The following NSD1 variants were observed in gnomAD, a reference collection of about 807,000 sequenced individuals.
The protein encoded by NSD1 is nuclear receptor binding SET domain protein 1.
A neutral mutation model predicts 242.7 loss-of-function variants in NSD1; 26 were observed. The ratio of observed to expected loss-of-function variants is 0.11; its 90% CI spans 0.08 to 0.15. NSD1 has a LOEUF of 0.15. Ranked by LOEUF, NSD1 falls within the 10% of genes least tolerant of loss-of-function variation. The pLI is 1.00. For synonymous variants in NSD1, 1,106 were observed against 1,178.1 expected (o/e 0.94, Z 1.25); for missense variants, 2,495 against 3,272.8 (o/e 0.76, Z 5.80).
At chr5:177,204,737 A>G (rs1762753554) in intron 4 of NSD1, among the ~76,000 whole-genome samples, 1 of 152,140 alleles carries the variant, frequency 6.6e-6, no homozygotes, top group Admixed American at 6.5e-5. Flanking sequence ...TTGGTAGTAG[A>G]ATATCTGTGA....
At chr5:177,158,349 C>CTTTCTTTT (rs1758377937) in intron 2 of NSD1, among the ~76,000 whole-genome samples, 1 of 124,896 alleles carries the variant, frequency 8.0e-6, no homozygotes, top group African/African-American at 3.0e-5. Flanking sequence ...TTCTTTCTTT[C>CTTTCTTTT]TTTTTTTAGA....
chr5:177,270,115 G>A (rs925274859), intron 16 of NSD1, among the ~76,000 whole-genome samples: 3 of 152,098 alleles, frequency 2.0e-5, no homozygotes, highest in African/African-American at 7.2e-5. Context: ...TTGCTAGACA[G>A]AGGCTCAGAT....
intron 2 of NSD1, among the ~76,000 whole-genome samples, chr5:177,157,450 C>T (rs1309583556): frequency 6.6e-6 from 1 of 151,882 alleles, no homozygotes; most frequent in Non-Finnish European, 1.5e-5. Context: ...GTAATCCCAG[C>T]ACTTTGGGAG....
chr5:177,261,215 G>C, intron 14 of NSD1, among the ~76,000 whole-genome samples: 1 of 147,884 alleles, frequency 6.8e-6, no homozygotes, highest in South Asian at 2.1e-4. Flanking sequence ...GATTACAGGC[G>C]TTCAACATCA....
intron 3 of NSD1, among the ~76,000 whole-genome samples, chr5:177,203,592 A>G (rs1419163102): frequency 6.6e-6 from 1 of 152,220 alleles, no homozygotes; most frequent in Non-Finnish European, 1.5e-5. Context: ...GGAGGAATCC[A>G]TGCAAAGCAC....
intron 2 of NSD1, among the ~76,000 whole-genome samples, chr5:177,178,700 G>A (rs1760412482): frequency 6.6e-6 from 1 of 152,104 alleles, no homozygotes; most frequent in Non-Finnish European, 1.5e-5. Context: ...GACCTCCTCG[G>A]CTTAAGTGAT....
At chr5:177,245,060 A>T (rs918605513) in intron 9 of NSD1, among the ~76,000 whole-genome samples, 1 of 152,090 alleles carries the variant, frequency 6.6e-6, no homozygotes, top group African/African-American at 2.4e-5. Flanking sequence ...TCTACAGTTT[A>T]AAAAAATGAG....
At chr5:177,154,718 C>T (rs896163584) in intron 2 of NSD1, among the ~76,000 whole-genome samples, 1 of 152,030 alleles carries the variant, frequency 6.6e-6, no homozygotes, top group African/African-American at 2.4e-5. Context: ...ATTTTTGAGA[C>T]AGAGTCTCCC....
rs1756828198 is a variant in NSD1 at position 177,259,654 on chromosome 5, CAG to C, written c.4967-332_4967-331del. 2.0e-5 allele frequency among the ~76,000 whole-genome samples: 3 copies of C among 152,316 alleles called. No homozygotes were observed. In the South Asian group the frequency reaches 6.2e-4, roughly 32 times the overall value. Reference sequence around the variant, plus strand: ...CACTTGAAAGGCTTTAAAAGAATCACAGAGTTCCAGGCAAGCATTATTGTTGT... The same window carrying C: ...CACTTGAAAGGCTTTAAAAGAATCACAGTTCCAGGCAAGCATTATTGTTGT... On this transcript the variant is annotated intron_variant, in intron 13 of 22. Coordinates refer to ENST00000439151, the MANE Select transcript of NSD1 (RefSeq NM_022455.5).
rs1418375807 is a variant in NSD1 at position 177,300,127 on chromosome 5, G to C, written c.*4668G>C. ...TCCTAGTGAAAAAGAGGGGAGCCCTGTGTTAGGAGTCCCCATAAACATGTA... is the reference window on the plus strand; with the variant it reads ...TCCTAGTGAAAAAGAGGGGAGCCCTCTGTTAGGAGTCCCCATAAACATGTA... On this transcript the variant is annotated 3_prime_UTR_variant, in exon 23 of 23. Coordinates refer to ENST00000439151, the MANE Select transcript of NSD1 (RefSeq NM_022455.5). 9.1e-6 allele frequency: 2 copies of C among 219,738 alleles called. No homozygotes were observed. Among genetic ancestry groups the C allele is most frequent in the African/African-American group, 4.7e-5 (2 of 42,566 alleles). 13.6% of individuals were successfully genotyped at this position (219,738 alleles called of 1,614,324 possible).
intron 2 of NSD1, among the ~76,000 whole-genome samples, chr5:177,182,540 C>T (rs1462484312): frequency 2.6e-5 from 4 of 152,066 alleles, no homozygotes; most frequent in Non-Finnish European, 5.9e-5. Context: ...GATTGTTTTG[C>T]CTAGAACTAC....
intron 5 of NSD1, among the ~76,000 whole-genome samples, chr5:177,213,860 G>A (rs1014078487): frequency 3.3e-5 from 5 of 152,242 alleles, no homozygotes; most frequent in Admixed American, 2.6e-4. Context: ...TTTTGGGTCT[G>A]GTTTCCCTTA....
chr5:177,207,905 AGT>A (rs145605083), intron 4 of NSD1, among the ~76,000 whole-genome samples: 150 of 149,242 alleles, frequency 1.0e-3, no homozygotes, highest in African/African-American at 3.2e-3. Context: ...ATGTCCAGCT[AGT>A]GTGTGTGTGT....
chr5:177,166,147 T>C (rs1408297905), intron 2 of NSD1, among the ~76,000 whole-genome samples: 1 of 151,406 alleles, frequency 6.6e-6, no homozygotes, highest in African/African-American at 2.4e-5. Flanking sequence ...ACTCCTGACC[T>C]CATGATATGC....
chr5:177,237,909 C>T (rs1765580782), intron 6 of NSD1, among the ~76,000 whole-genome samples: 1 of 152,140 alleles, frequency 6.6e-6, no homozygotes, highest in African/African-American at 2.4e-5. Flanking sequence ...CTCCACCATC[C>T]ATCTCGATAA....
intron 4 of NSD1, among the ~76,000 whole-genome samples, chr5:177,206,924 C>T (rs750680719): frequency 6.6e-6 from 1 of 151,236 alleles, no homozygotes; most frequent in Non-Finnish European, 1.5e-5. Flanking sequence ...GGCTACTCCT[C>T]TAGTTACCCT....
chr5:177,257,792 G>A (rs1416945393), intron 13 of NSD1, among the ~76,000 whole-genome samples: 2 of 151,376 alleles, frequency 1.3e-5, no homozygotes, highest in African/African-American at 4.8e-5. Flanking sequence ...TAGAAAACCA[G>A]AGTGTAGTCT....
intron 11 of NSD1, 75 bp from the exon 12 acceptor site, chr5:177,251,655 T>C (rs1390105714): frequency 2.0e-6 from 3 of 1,508,252 alleles, no homozygotes; most frequent in South Asian, 1.1e-5. Flanking sequence ...TTGTTTACTT[T>C]AACCCACTGA....
At chr5:177,214,414 A>G (rs1486561755) in intron 5 of NSD1, among the ~76,000 whole-genome samples, 2 of 152,178 alleles carry the variant, frequency 1.3e-5, no homozygotes, top group Non-Finnish European at 2.9e-5. Context: ...GTACATGTAC[A>G]ACAGCAGATC....
Sources: gnomAD v4.1 joint callset for allele counts (sites outside exome capture counted in the v4.1 genomes callset) on GRCh38, gnomAD v4.1.1 for gene constraint, MANE v1.5 for transcripts, NCBI Gene and HGNC (gene_info 2026-07-23, HGNC 2026-07-21) for gene names.